The following DIPK1B variants were observed in gnomAD, a reference collection of about 807,000 sequenced individuals.
DIPK1B encodes divergent protein kinase domain 1B, also known as family with sequence similarity 69 member B.
A neutral mutation model predicts 20.7 loss-of-function variants in DIPK1B; 17 were observed. The observed-to-expected ratio is 0.82, with a 90% CI of 0.56 to 1.23. DIPK1B has a LOEUF of 1.23. Among genes scored for constraint, DIPK1B ranks in the 50% most tolerant of loss-of-function variants. The pLI is 0.00. For missense variants in DIPK1B, 648 were observed against 601.8 expected (o/e 1.08, Z -0.80); for synonymous variants, 343 against 276.5 (o/e 1.24, Z -2.39).
intron 2 of DIPK1B, among the ~76,000 whole-genome samples, chr9:136,719,354 G>A (rs1694071364): frequency 6.6e-6 from 1 of 152,142 alleles, no homozygotes; most frequent in South Asian, 2.1e-4. Flanking sequence ...GCCAAGCCCA[G>A]CTCTCCCGAA....
Position 136,724,067 on chromosome 9 carries a change from T to C in DIPK1B, c.*293T>C, listed in dbSNP as rs572837879. The C allele has an allele frequency of 2.4e-6, 1 of 410,218 alleles. No homozygotes were observed. Among genetic ancestry groups the C allele is most frequent in the African/African-American group, 2.1e-5 (1 of 48,524 alleles). 25.4% of individuals were successfully genotyped at this position (410,218 alleles called of 1,614,324 possible). ...CAGGGCTGAGCACCCTGAGCCCCCA[T>C]CGATGCTGTGTGTGGGACCCTTCGC... On this transcript the variant is annotated 3_prime_UTR_variant, in exon 5 of 5. Transcript: ENST00000371692.
Position 136,723,101 on chromosome 9 carries a change from T to A in DIPK1B, c.623T>A (p.Leu208Gln). Residue 208 changes from leucine (L) to glutamine (Q), a missense_variant, in exon 5 of 5, where the codon CTG becomes CAG. By Grantham distance (113) the Leu-to-Gln change is moderately radical. Transcript: ENST00000371692. The stretch of plus-strand genomic sequence containing the variant: ...CTGCTGCAGCGTAACGAGTTCCTGC[T>A]GCTGCTGTCCCTGCAGGAGAAGGAG... ...WALLQRNEFL[L>Q]LLSLQEKEHA... 2 of 1,613,630 alleles carry A rather than the reference T, an allele frequency of 1.2e-6. No individual in the cohort carries two copies. Among genetic ancestry groups the A allele is most frequent in the African/African-American group, 1.3e-5 (1 of 75,070 alleles).
At chr9:136,719,088 CT>C (rs932323450) in intron 2 of DIPK1B, among the ~76,000 whole-genome samples, 1 of 126,708 alleles carries the variant, frequency 7.9e-6, no homozygotes, top group African/African-American at 3.0e-5. Context: ...AGATGCACCC[CT>C]GGAGCTCCTA....
In DIPK1B at chr9:136,724,095, C is replaced by A; in HGVS notation, c.*321C>A. 3.0e-6 allele frequency: 1 copy of A among 331,402 alleles called. No homozygotes were observed. Among genetic ancestry groups the A allele is most frequent in the Non-Finnish European group, 5.7e-6 (1 of 176,034 alleles). 20.5% of individuals were successfully genotyped at this position (331,402 alleles called of 1,614,324 possible). A position where few individuals can be genotyped will look rare whatever the true frequency, so the allele number is the denominator to read the frequency against. On this transcript the variant is annotated 3_prime_UTR_variant, in exon 5 of 5. Transcript: ENST00000371692. ...ATGCTGTGTGTGGGACCCTTCGCCC[C>A]GCTGTGGATCCACCCAGCCCAGGCA... is the stretch of plus-strand genomic sequence containing the variant.
In DIPK1B at chr9:136,723,421, G is replaced by A. The variant is rs754017309; in HGVS notation, c.943G>A (p.Asp315Asn). The change falls in exon 5 of 5, where the codon GAC becomes AAC. Residue 315 changes from aspartate (D) to asparagine (N), a missense_variant. Asp to Asn is a conservative substitution (Grantham distance 23). Transcript: ENST00000371692. ...YTATYDFKMADLQQVAPEATV... is the reference protein window; with the variant it reads ...YTATYDFKMANLQQVAPEATV... ...AGCCACCTACGACTTCAAGATGGCC[G>A]ACCTGCAGCAGGTGGCACCCGAGGC... 9.4e-5 allele frequency: 152 copies of A among 1,612,312 alleles called. No individual in the cohort carries two copies. The highest frequency in any genetic ancestry group is 1.1e-4 in the Non-Finnish European group (133 of 1,179,498).
intron 2 of DIPK1B, among the ~76,000 whole-genome samples, chr9:136,720,468 T>TC (rs1846579929): frequency 1.3e-5 from 2 of 150,528 alleles, no homozygotes; most frequent in African/African-American, 5.0e-5. Flanking sequence ...ATCCAGGAAT[T>TC]CTCCCCCCCC....
intron 4 of DIPK1B, 176 bp downstream of exon 4, chr9:136,722,477 C>T: frequency 1.2e-6 from 1 of 811,336 alleles, no homozygotes; most frequent in Non-Finnish European, 1.9e-6. Flanking sequence ...AGGAGCCTCT[C>T]CAGGGCTGGG....
chr9:136,718,185 G>A (rs1346732494), intron 2 of DIPK1B, among the ~76,000 whole-genome samples: 29 of 31,960 alleles, frequency 9.1e-4, no homozygotes, highest in African/African-American at 2.2e-3. Flanking sequence ...AGAGACCACC[G>A]TGTGCTGGCC....
chr9:136,714,144 C>T (rs1162044629), intron 1 of DIPK1B, among the ~76,000 whole-genome samples: 2 of 152,196 alleles, frequency 1.3e-5, no homozygotes, highest in African/African-American at 4.8e-5. Context: ...CCAGGATCCA[C>T]AGCAGGGTCA....
At chr9:136,716,868 C>T (rs540305256) in intron 1 of DIPK1B, among the ~76,000 whole-genome samples, 1 of 151,994 alleles carries the variant, frequency 6.6e-6, no homozygotes, top group East Asian at 1.9e-4. Flanking sequence ...GGTGGGCGCG[C>T]TCACCTGGCC....
At chr9:136,717,404 G>A (rs2131041558) in intron 1 of DIPK1B, among the ~76,000 whole-genome samples, 173 bp from the exon 2 acceptor site, 1 of 152,294 alleles carries the variant, frequency 6.6e-6, no homozygotes, top group East Asian at 1.9e-4. Context: ...AGCCAGGAGT[G>A]GGTGTCGCTG....
At chr9:136,717,296 CATTT>C (rs1268296751) in intron 1 of DIPK1B, among the ~76,000 whole-genome samples, 1 of 152,056 alleles carries the variant, frequency 6.6e-6, no homozygotes, top group African/African-American at 2.4e-5. Flanking sequence ...CTGGTTTTGA[CATTT>C]ATTTGTACCT....
At chr9:136,722,054 G>T (rs777899790) in intron 3 of DIPK1B, 26 bp downstream of exon 3, 1 of 1,613,144 alleles carries the variant, frequency 6.2e-7, no homozygotes, top group Admixed American at 1.7e-5. Context: ...GGGCGGGTGG[G>T]CCTGGGGCTG....
In DIPK1B at chr9:136,723,987, G is replaced by T; in HGVS notation, c.*213G>T. On this transcript the variant is annotated 3_prime_UTR_variant, in exon 5 of 5. Coordinates refer to ENST00000371692, the MANE Select transcript of DIPK1B (RefSeq NM_152421.4). ...ACATCCCGGCAGGAGAGTCCTCCAA[G>T]GGGGTTTGTTACTCTGAAGAACGTA... 1.7e-6 allele frequency: 1 copy of T among 599,734 alleles called. No homozygotes were observed. Among genetic ancestry groups the T allele is most frequent in the Non-Finnish European group, 2.9e-6 (1 of 339,644 alleles). 37.2% of individuals were successfully genotyped at this position (599,734 alleles called of 1,614,324 possible). A position where few individuals can be genotyped will look rare whatever the true frequency, so the allele number is the denominator to read the frequency against.
In DIPK1B at chr9:136,712,639, C is replaced by T. The variant is rs1846440687; in HGVS notation, c.-27C>T. The T allele has an allele frequency of 1.4e-5, 16 of 1,137,838 alleles. No homozygotes were observed. Among genetic ancestry groups the T allele is most frequent in the Non-Finnish European group, 1.7e-5 (16 of 926,738 alleles). 70.5% of individuals were successfully genotyped at this position (1,137,838 alleles called of 1,614,324 possible). A position where few individuals can be genotyped will look rare whatever the true frequency, so the allele number is the denominator to read the frequency against. Reference sequence around the variant, plus strand: ...GGCTGAGGCCGAGCGAGCCGCGGGGCCCGCGCAGCCCCGGCCGGAGCCCAC... The same window carrying T: ...GGCTGAGGCCGAGCGAGCCGCGGGGTCCGCGCAGCCCCGGCCGGAGCCCAC... On this transcript the variant is annotated 5_prime_UTR_variant, in exon 1 of 5. Transcript: ENST00000371692. The surrounding 1 kb of genome is among the most constrained non-coding windows in gnomAD (Gnocchi z 5.6).
rs1564311357 is a variant in DIPK1B at position 136,723,118 on chromosome 9, GAGA to G, written c.643_645del (p.Lys215del). ...GTTCCTGCTGCTGCTGTCCCTGCAG[GAGA>G]AGGAGCACGCCTCCAGACTGCTGGG... is the stretch of plus-strand genomic sequence containing the variant. On this transcript the variant is annotated inframe_deletion, in exon 5 of 5. Transcript: ENST00000371692. 9.3e-6 allele frequency: 15 copies of G among 1,613,226 alleles called. 1 individual carries two copies. Among genetic ancestry groups the G allele is most frequent in the Admixed American group, 3.3e-5 (2 of 60,016 alleles).
rs765801360 is a variant in DIPK1B at position 136,722,010 on chromosome 9, G to A, written c.288G>A (p.Ser96=). ...LHMVEWRTCL[S]VAPGQQVYSG... ...TGGTGGAGTGGAGGACCTGCCTCTCGGTGGCCCCGGGCCAGCAGGTATAGC... is the reference window on the plus strand; with the variant it reads ...TGGTGGAGTGGAGGACCTGCCTCTCAGTGGCCCCGGGCCAGCAGGTATAGC... The change falls in exon 3 of 5, where the codon TCG becomes TCA. Residue 96 remains serine (S), a synonymous_variant. Transcript: ENST00000371692. 37 of 1,613,140 alleles carry A rather than the reference G, an allele frequency of 2.3e-5. No individual in the cohort carries two copies. Among genetic ancestry groups the A allele is most frequent in the Admixed American group, 5.0e-5 (3 of 59,990 alleles).
intron 2 of DIPK1B, among the ~76,000 whole-genome samples, chr9:136,718,189 GCTGGCCTC>G (rs1846531368): frequency 3.2e-5 from 1 of 30,900 alleles, no homozygotes; most frequent in African/African-American, 8.6e-5. Flanking sequence ...ACCACCGTGT[GCTGGCCTC>G]ACTGGTCCAG....
At chr9:136,714,125 C>T (rs1846463476) in intron 1 of DIPK1B, among the ~76,000 whole-genome samples, 1 of 152,180 alleles carries the variant, frequency 6.6e-6, no homozygotes, top group South Asian at 2.1e-4. Context: ...AGAGCAGCTG[C>T]TTGGGACCCC....
Sources: gnomAD v4.1 joint callset for allele counts (sites outside exome capture counted in the v4.1 genomes callset) on GRCh38, gnomAD v4.1.1 for gene constraint, Gnocchi (gnomAD v3.1) non-coding constraint, MANE v1.5 for transcripts, NCBI Gene and HGNC (gene_info 2026-07-23, HGNC 2026-07-21) for gene names.